DNAAF2: variants seen among roughly 807,000 people sequenced by gnomAD.
The protein encoded by DNAAF2 is protein kintoun.
DNAAF2 carries 58 observed loss-of-function variants against 48.8 expected under a neutral mutation model. That is an observed-to-expected ratio of 1.19 (90% CI 0.96 to 1.48). The LOEUF (loss-of-function observed/expected upper bound fraction) is 1.48, where lower values mean the gene tolerates loss of function less well. DNAAF2 is among the 40% of genes most tolerant of loss of function. The pLI, the probability that DNAAF2 is intolerant of heterozygous loss-of-function variation, is 0.00. For missense variants in DNAAF2, 1,241 were observed against 1,116.1 expected, an observed-to-expected ratio of 1.11 and a Z score of -1.59; for synonymous variants, 567 against 481.2, an observed-to-expected ratio of 1.18 and a Z score of -2.33.
rs777678881 is a variant in DNAAF2, at chr14:49,635,185, G to A, written c.-36C>T. On this transcript the variant is annotated 5_prime_UTR_variant, in exon 1 of 3. Coordinates refer to ENST00000298292, the MANE Select transcript of DNAAF2 (RefSeq NM_018139.3). ...GGCTCCTCGCCCTCGGGCCAAAGGCGATCAGTCTGACACTGGGTTGGGGGA... is the reference window on the plus strand; with the variant it reads ...GGCTCCTCGCCCTCGGGCCAAAGGCAATCAGTCTGACACTGGGTTGGGGGA... 1.1e-5 allele frequency: 17 copies of A among 1,545,496 alleles called. No individual in the cohort carries two copies. The African/African-American group carries it at 1.5e-4, about 14-fold the overall frequency.
At position 49,633,791 on chromosome 14, in the gene DNAAF2, C is replaced by A. The variant is rs765119356; in HGVS notation, c.1359G>T (p.Glu453Asp). The change falls in exon 1 of 3, where the codon GAG becomes GAT. Residue 453 changes from glutamate (E) to aspartate (D), a missense_variant. Physicochemically the swap from Glu to Asp is conservative, Grantham distance 45 (BLOSUM62 2). Coordinates refer to ENST00000298292, the MANE Select transcript of DNAAF2 (RefSeq NM_018139.3). ...HAGSPPGSVE[E>D]PSPGGENSPG... ...GTGAGTTTTCTCCTCCAGGAGATGGCTCCTCCACGCTGCCCGGCGGTGACC... is the reference window on the plus strand; with the variant it reads ...GTGAGTTTTCTCCTCCAGGAGATGGATCCTCCACGCTGCCCGGCGGTGACC... 4.8e-5 allele frequency: 77 copies of A among 1,590,764 alleles called. No homozygotes were observed. Among genetic ancestry groups the A allele is most frequent in the Non-Finnish European group, 6.4e-5 (75 of 1,175,162 alleles).
chr14:49,633,922 A>T lies in DNAAF2; in HGVS notation c.1228T>A (p.Ser410Thr). Residue 410 changes from serine (S) to threonine (T), a missense_variant, in exon 1 of 3, where the codon TCC becomes ACC. Physicochemically the swap from Ser to Thr is moderately conservative, Grantham distance 58. Coordinates refer to ENST00000298292, the MANE Select transcript of DNAAF2 (RefSeq NM_018139.3). ...HDTCVAGAAG[S>T]GVTTLGDPEV... is the part of the protein sequence containing the mutation. ...GGGTCGCCCAGGGTGGTGACCCCGG[A>T]GCCCGCAGCCCCAGCCACGCAGGTA... The T allele has an allele frequency of 1.3e-6, 2 of 1,531,390 alleles. No individual in the cohort carries two copies. Among genetic ancestry groups the T allele is most frequent in the Non-Finnish European group, 1.7e-6 (2 of 1,145,022 alleles). The allele number at this position is 1,531,390 out of a possible 1,614,324, so 94.9% of individuals were successfully genotyped here. A position where few individuals can be genotyped will look rare whatever the true frequency, so the allele number is the denominator to read the frequency against.
At position 49,635,060 on chromosome 14, in the gene DNAAF2, CG is replaced by C; in HGVS notation, c.89del (p.Pro30ArgfsTer30). The C allele has an allele frequency of 6.3e-7, 1 of 1,586,178 alleles. No individual in the cohort carries two copies. The highest frequency in any genetic ancestry group is 8.6e-7 in the Non-Finnish European group (1 of 1,167,078). On this transcript the variant is annotated frameshift_variant, in exon 1 of 3. Transcript: ENST00000298292. LOFTEE classifies it high-confidence loss of function. ...ACTGGGAGAACATTCGCCGGAACTC[CG>C]GGTCCTGGAAGGCGGAGGTGAGCCG... ...VQRLTSAFQD[P>X]EFRRMFSQYA...
Position 49,634,281 on chromosome 14 carries a change from G to T in DNAAF2, c.869C>A (p.Pro290Gln). The part of the protein sequence containing the change: ...PHELVITIEL[P>Q]LLRSAEQAAL... ...CGCCTGCTCGGCCGAGCGCAACAGC[G>T]GCAGTTCGATGGTGATCACCAGCTC... Residue 290 changes from proline to glutamine, a missense_variant, in exon 1 of 3, where the codon CCG becomes CAG. Transcript: ENST00000298292. 3 of 1,612,192 alleles carry T rather than the reference G, an allele frequency of 1.9e-6. No individual in the cohort carries two copies. The highest frequency in any genetic ancestry group is 1.3e-5 in the African/African-American group (1 of 75,044).
At position 49,633,777 on chromosome 14, in the gene DNAAF2, C is replaced by T; in HGVS notation, c.1373G>A (p.Gly458Glu). 2 of 1,593,562 alleles carry T rather than the reference C, an allele frequency of 1.3e-6. No homozygotes were observed. Among genetic ancestry groups the T allele is most frequent in the Non-Finnish European group, 1.7e-6 (2 of 1,175,414 alleles). The change falls in exon 1 of 3, where the codon GGA becomes GAA. Residue 458 changes from glycine to glutamate, a missense_variant. Physicochemically the swap from Gly to Glu is moderately conservative, Grantham distance 98. Transcript: ENST00000298292. ...PGSVEEPSPG[G>E]ENSPGGGGSP... Reference sequence around the variant, plus strand: ...GCCTCCGCCACCAGGTGAGTTTTCTCCTCCAGGAGATGGCTCCTCCACGCT... The same window carrying T: ...GCCTCCGCCACCAGGTGAGTTTTCTTCTCCAGGAGATGGCTCCTCCACGCT...
chr14:49,629,665 A>G lies in DNAAF2; in HGVS notation c.1864-1510T>C, dbSNP rs1223130282. The G allele has an allele frequency of 2.0e-5, 3 of 150,746 alleles. No individual in the cohort carries two copies. In the East Asian group the frequency reaches 5.9e-4, roughly 30 times the overall value. 9.3% of individuals were successfully genotyped at this position (150,746 alleles called of 1,614,324 possible). On this transcript the variant is annotated intron_variant, in intron 1 of 2. Transcript: ENST00000298292. ...GGCGACAGAGTGAGACTCTGTCTCA[A>G]AAAAAAAAATTTGACATTTTTTGTA...
chr14:49,633,186 C>T (rs964435761), intron 1 of DNAAF2, 101 bp downstream of exon 1: 42 of 1,388,622 alleles, frequency 3.0e-5, no homozygotes, highest in Non-Finnish European at 3.7e-5. Context: ...TCCCAAAATG[C>T]TGGGATTACA....
chr14:49,631,105 G>A (rs1305160294), intron 1 of DNAAF2, among the ~76,000 whole-genome samples: 1 of 152,094 alleles, frequency 6.6e-6, no homozygotes, highest in East Asian at 1.9e-4. Context: ...CCAAACAAAA[G>A]TGAACCTTGG....
rs1272245975 is a variant in DNAAF2 at position 49,634,115 on chromosome 14, C to T, written c.1035G>A (p.Thr345=). The part of the protein sequence containing the change: ...FNKARRQLVV[T]LPVVLPAARR... ...GCGCGGCCGGCAGCACCACTGGCAGCGTAACCACCAGCTGCCGCCGGGCCT... is the reference window on the plus strand; with the variant it reads ...GCGCGGCCGGCAGCACCACTGGCAGTGTAACCACCAGCTGCCGCCGGGCCT... Residue 345 remains threonine (T), a synonymous_variant, in exon 1 of 3, where the codon ACG becomes ACA. Coordinates refer to ENST00000298292, the MANE Select transcript of DNAAF2 (RefSeq NM_018139.3). 1.9e-6 allele frequency: 3 copies of T among 1,552,354 alleles called. No homozygotes were observed. Among genetic ancestry groups the T allele is most frequent in the Middle Eastern group, 1.8e-4 (1 of 5,484 alleles).
At chr14:49,630,067 CA>C (rs1354228484) in intron 1 of DNAAF2, among the ~76,000 whole-genome samples, 1 of 151,876 alleles carries the variant, frequency 6.6e-6, no homozygotes, top group Non-Finnish European at 1.5e-5. Context: ...CTCATCTCTA[CA>C]AAAAATACAA....
At chr14:49,627,503 G>T (rs1883038803) in intron 2 of DNAAF2, among the ~76,000 whole-genome samples, 1 of 152,114 alleles carries the variant, frequency 6.6e-6, no homozygotes, top group African/African-American at 2.4e-5. Flanking sequence ...GTTATTTTGG[G>T]ATTAAATAAT....
chr14:49,632,926 T>G (rs8017480), intron 1 of DNAAF2, among the ~76,000 whole-genome samples: 6 of 137,732 alleles, frequency 4.4e-5, no homozygotes, highest in Non-Finnish European at 9.5e-5. Context: ...TTTTTTTTTT[T>G]GTTTTTTGTT....
Position 49,633,513 on chromosome 14 carries a change from T to C in DNAAF2, c.1637A>G (p.Gln546Arg), listed in dbSNP as rs776038385. 3 of 1,614,066 alleles carry C rather than the reference T, an allele frequency of 1.9e-6. No homozygotes were observed. Among genetic ancestry groups the C allele is most frequent in the Admixed American group, 3.3e-5 (2 of 60,034 alleles). ...LLIQVPRIQP[Q>R]SLQGDLNPLW... ...GGGATTCAAATCTCCTTGAAGACTTTGCGGCTGGATCCGAGGCACCTGAAT... is the reference window on the plus strand; with the variant it reads ...GGGATTCAAATCTCCTTGAAGACTTCGCGGCTGGATCCGAGGCACCTGAAT... The change falls in exon 1 of 3, where the codon CAA (glutamine) becomes CGA (arginine). Residue 546 changes from glutamine (Q) to arginine (R), a missense_variant. Transcript: ENST00000298292.
chr14:49,627,996 C>A lies in DNAAF2; in HGVS notation c.2007+16G>T. On this transcript the variant is annotated intron_variant, in intron 2 of 2. Transcript: ENST00000298292. ...GTGCTTCATTACTCCTCTATAGAGC[C>A]CATCAACTTCCTTACCTTTGCATTA... 6.4e-7 allele frequency: 1 copy of A among 1,555,014 alleles called. No homozygotes were observed. Among genetic ancestry groups the A allele is most frequent in the East Asian group, 2.3e-5 (1 of 42,682 alleles).
intron 1 of DNAAF2, among the ~76,000 whole-genome samples, chr14:49,630,704 A>ACACACACACAC (rs1883132021): frequency 6.8e-5 from 4 of 58,728 alleles, no homozygotes; most frequent in Admixed American, 3.8e-4. Context: ...CACACACATA[A>ACACACACACAC]ACTCTCTACA....
In DNAAF2 at chr14:49,634,855, C is replaced by T. The variant is rs1182493444; in HGVS notation, c.295G>A (p.Gly99Ser). ...FVNVCSNALV[G>S]APSSRPGSGG... The stretch of plus-strand genomic sequence containing the variant: ...GAGCCGGGCCGGCTGCTGGGCGCGC[C>T]CACCAACGCGTTGCTGCAGACATTC... The change falls in exon 1 of 3, where the codon GGC (glycine) becomes AGC (serine). Residue 99 changes from glycine (G) to serine (S), a missense_variant. Transcript: ENST00000298292. The T allele has an allele frequency of 1.3e-6, 2 of 1,546,528 alleles. No homozygotes were observed. Among genetic ancestry groups the T allele is most frequent in the Admixed American group, 2.0e-5 (1 of 50,908 alleles).
Position 49,633,691 on chromosome 14 carries a change from G to C in DNAAF2, c.1459C>G (p.Arg487Gly). ...WGSSAGRESA[R>G]GDSSVETREE... Reference sequence around the variant, plus strand: ...CGTGTTTCCACACTGCTATCTCCGCGCGCACTCTCTCTTCCCGCAGAAGAA... The same window carrying C: ...CGTGTTTCCACACTGCTATCTCCGCCCGCACTCTCTCTTCCCGCAGAAGAA... The change falls in exon 1 of 3, where the codon CGC (arginine) becomes GGC (glycine). Residue 487 changes from arginine to glycine, a missense_variant. By Grantham distance (125) the Arg-to-Gly change is moderately radical (BLOSUM62 -2). Transcript: ENST00000298292. 6.2e-7 allele frequency: 1 copy of C among 1,605,592 alleles called. No individual in the cohort carries two copies.
At position 49,634,131 on chromosome 14, in the gene DNAAF2, C is replaced by T. The variant is rs1883258620; in HGVS notation, c.1019G>A (p.Arg340Gln). Residue 340 changes from arginine (R) to glutamine (Q), a missense_variant, in exon 1 of 3, where the codon CGG becomes CAG. By Grantham distance (43) the Arg-to-Gln change is conservative. Coordinates refer to ENST00000298292, the MANE Select transcript of DNAAF2 (RefSeq NM_018139.3). ...CACTGGCAGCGTAACCACCAGCTGCCGCCGGGCCTTGTTGAATTGTGCCTT... is the reference window on the plus strand; with the variant it reads ...CACTGGCAGCGTAACCACCAGCTGCTGCCGGGCCTTGTTGAATTGTGCCTT... ...RGKAQFNKAR[R>Q]QLVVTLPVVL... 3 of 1,565,376 alleles carry T rather than the reference C, an allele frequency of 1.9e-6. No homozygotes were observed. Among genetic ancestry groups the T allele is most frequent in the Non-Finnish European group, 2.6e-6 (3 of 1,156,312 alleles).
rs1286286026 is a variant in DNAAF2 at position 49,633,323 on chromosome 14, T to A, written c.1827A>T (p.Arg609Ser). 1.2e-6 allele frequency: 2 copies of A among 1,614,022 alleles called. No homozygotes were observed. Among genetic ancestry groups the A allele is most frequent in the South Asian group, 2.2e-5 (2 of 91,088 alleles). Reference sequence around the variant, plus strand: ...CGTTGTTTACACCATAATACCACTCTCTCCAATGTCCATGGCTCTCTGGAG... The same window carrying A: ...CGTTGTTTACACCATAATACCACTCACTCCAATGTCCATGGCTCTCTGGAG... Reference protein sequence around the residue: ...AKSPESHGHWREWYYGVNNDS... With the variant: ...AKSPESHGHWSEWYYGVNNDS... The change falls in exon 1 of 3, where the codon AGA (arginine) becomes AGT (serine). Residue 609 changes from arginine (R) to serine (S), a missense_variant. Transcript: ENST00000298292.
Sources: allele counts gnomAD v4.1 joint callset (sites outside exome capture counted in the v4.1 genomes callset), GRCh38; gene constraint gnomAD v4.1.1; transcripts MANE v1.5; gene names NCBI Gene and HGNC (gene_info 2026-07-23, HGNC 2026-07-21).